GABRA1: variants seen among roughly 807,000 people sequenced by gnomAD.
GABRA1 encodes gamma-aminobutyric acid type A receptor subunit alpha1, also known as gamma-aminobutyric acid receptor subunit alpha-1.
In GABRA1, 9 loss-of-function variants were observed where a neutral mutation model predicts 48.9. The ratio of observed to expected loss-of-function variants is 0.18; its 90% CI spans 0.11 to 0.32. GABRA1 has a LOEUF of 0.32. GABRA1 is among the 10% of genes least tolerant of loss of function. GABRA1 has a pLI of 1.00. For missense variants in GABRA1, 285 were observed against 553.8 expected (o/e 0.51, Z 4.87); for synonymous variants, 210 against 198.7 (o/e 1.06, Z -0.48).
chr5:161,887,908 A>G (rs1053875085), intron 7 of GABRA1, among the ~76,000 whole-genome samples: 1 of 152,128 alleles, frequency 6.6e-6, no homozygotes, highest in Non-Finnish European at 1.5e-5. Flanking sequence ...AATTGGACAA[A>G]TCGGGAAACT....
chr5:161,865,793 G>C lies in GABRA1; in HGVS notation c.255+5G>C. 1 of 1,608,298 alleles carries C rather than the reference G, an allele frequency of 6.2e-7. No homozygotes were observed. The highest frequency in any genetic ancestry group is 8.5e-7 in the Non-Finnish European group (1 of 1,174,954). On this transcript the variant is annotated splice_donor_5th_base_variant and intron_variant, in intron 4 of 9. Transcript: ENST00000393943. ...CCCGTTTCAGACCATGATATGGTAAGTGGACACTTTATCTTTGCTTTTCTT... is the reference window on the plus strand; with the variant it reads ...CCCGTTTCAGACCATGATATGGTAACTGGACACTTTATCTTTGCTTTTCTT...
At chr5:161,859,215 T>C (rs536657090) in intron 3 of GABRA1, among the ~76,000 whole-genome samples, 4 of 151,816 alleles carry the variant, frequency 2.6e-5, no homozygotes, top group Non-Finnish European at 5.9e-5. Flanking sequence ...AGTAACATAT[T>C]ATTTTACAAA....
chr5:161,854,347 A>G, intron 3 of GABRA1, 77 bp downstream of exon 3: 1 of 797,750 alleles, frequency 1.3e-6, no homozygotes, highest in South Asian at 1.4e-5. Context: ...TTACCTCTAA[A>G]TGGTCAAATA....
At chr5:161,886,902 C>T (rs1259558105) in intron 7 of GABRA1, among the ~76,000 whole-genome samples, 1 of 152,090 alleles carries the variant, frequency 6.6e-6, no homozygotes, top group South Asian at 2.1e-4. Flanking sequence ...CTTGTCTCTT[C>T]CCACCCTCAC....
chr5:161,874,187 A>G (rs544802875), intron 5 of GABRA1, among the ~76,000 whole-genome samples: 1 of 152,290 alleles, frequency 6.6e-6, no homozygotes, highest in African/African-American at 2.4e-5. Flanking sequence ...TCCTAAATTT[A>G]TGGATTGTAT....
rs549373202 is a variant in GABRA1, at chr5:161,882,352, T to C, written c.560-206T>C. 1.4e-4 allele frequency: 81 copies of C among 585,774 alleles called. 1 individual carries two copies. In the South Asian group the frequency reaches 1.6e-3, roughly 12 times the overall value. The allele number at this position is 585,774 out of a possible 1,614,324, so 36.3% of individuals were successfully genotyped here. The stretch of plus-strand genomic sequence containing the variant: ...TGTCCTTTGTAGATCCTTATAACCA[T>C]TTGTTGGAAGAGTGAATAAATGACT... On this transcript the variant is annotated intron_variant, in intron 6 of 9. Transcript: ENST00000393943.
intron 4 of GABRA1, among the ~76,000 whole-genome samples, chr5:161,867,015 T>C (rs1469059658): frequency 2.0e-5 from 3 of 152,158 alleles, no homozygotes; most frequent in Non-Finnish European, 4.4e-5. Context: ...TTTCTTCATG[T>C]ATAAGGTGGG....
At chr5:161,863,975 C>G (rs10041985) in intron 3 of GABRA1, among the ~76,000 whole-genome samples, 19,515 of 151,774 alleles carry the variant, frequency 0.13, 1,350 homozygotes, top group African/African-American at 0.19. Flanking sequence ...ACAGAAACTT[C>G]CCCCCTTGCT....
chr5:161,893,522 A>C (rs181689221), intron 8 of GABRA1, among the ~76,000 whole-genome samples: 18 of 149,100 alleles, frequency 1.2e-4, no homozygotes, highest in East Asian at 9.6e-4. Flanking sequence ...AAAGAACCAA[A>C]CAAACAAACA....
At chr5:161,864,157 C>A in intron 3 of GABRA1, among the ~76,000 whole-genome samples, 1 of 152,054 alleles carries the variant, frequency 6.6e-6, no homozygotes, top group South Asian at 2.1e-4. Context: ...GCAGATAATT[C>A]CTACATCAAG....
intron 8 of GABRA1, among the ~76,000 whole-genome samples, chr5:161,892,764 G>A (rs573478698): frequency 6.6e-6 from 1 of 152,204 alleles, no homozygotes; most frequent in East Asian, 1.9e-4. Context: ...CAGCACTTTG[G>A]GAGGCCGAGG....
chr5:161,878,819 T>C (rs772170588), intron 6 of GABRA1, among the ~76,000 whole-genome samples: 48 of 152,316 alleles, frequency 3.2e-4, no homozygotes, highest in Non-Finnish European at 5.7e-4. Flanking sequence ...AAAAGCTGAA[T>C]CTATTAAGGC....
At chr5:161,849,073 T>C (rs1486208134) in intron 1 of GABRA1, 6 of 434,798 alleles carry the variant, frequency 1.4e-5, no homozygotes. Context: ...AGGGGGAGGT[T>C]GAAGGTAGAA....
intron 7 of GABRA1, among the ~76,000 whole-genome samples, chr5:161,883,853 C>T (rs1415427762): frequency 1.3e-5 from 2 of 151,970 alleles, no homozygotes; most frequent in Non-Finnish European, 1.5e-5. Context: ...CATTGCTAGC[C>T]CAGAAGCTTA....
chr5:161,891,839 T>C (rs1056074156), intron 8 of GABRA1, among the ~76,000 whole-genome samples: 5 of 152,224 alleles, frequency 3.3e-5, no homozygotes, highest in African/African-American at 9.6e-5. Flanking sequence ...ACTCTCGTTA[T>C]GAAAATTGCA....
At chr5:161,869,879 G>T (rs1405089206) in intron 4 of GABRA1, among the ~76,000 whole-genome samples, 2 of 152,104 alleles carry the variant, frequency 1.3e-5, no homozygotes, top group Non-Finnish European at 2.9e-5. Context: ...TTTGTTTTTA[G>T]TTAACTTGGT....
rs559945687 is a variant in GABRA1, at chr5:161,857,492, C to T, written c.187+3222C>T. On this transcript the variant is annotated intron_variant, in intron 3 of 9. Coordinates refer to ENST00000393943, the MANE Select transcript of GABRA1 (RefSeq NM_001127644.2). ...AATCTAGATGATAGGAATCAGTTTG[C>T]AAATACTGTAAAACTATTTTAAAAG... is the stretch of plus-strand genomic sequence containing the variant. 2.6e-4 allele frequency among the ~76,000 whole-genome samples: 40 copies of T among 151,600 alleles called. 1 individual carries two copies. The highest frequency in any genetic ancestry group is 6.8e-4 in the African/African-American group (28 of 41,470).
intron 4 of GABRA1, among the ~76,000 whole-genome samples, chr5:161,869,983 T>A (rs1381929066): frequency 6.6e-6 from 1 of 152,160 alleles, no homozygotes; most frequent in African/African-American, 2.4e-5. Flanking sequence ...AAACCTAATA[T>A]AAATTTGTGT....
chr5:161,880,815 T>C (rs1460710399), intron 6 of GABRA1, among the ~76,000 whole-genome samples: 1 of 152,258 alleles, frequency 6.6e-6, no homozygotes, highest in East Asian at 1.9e-4. Flanking sequence ...AGCCTTATTT[T>C]CATGTAAAAA....
Sources: gnomAD v4.1 joint callset for allele counts (sites outside exome capture counted in the v4.1 genomes callset) on GRCh38, gnomAD v4.1.1 for gene constraint, MANE v1.5 for transcripts, NCBI Gene and HGNC (gene_info 2026-07-23, HGNC 2026-07-21) for gene names.